Variants in GLIS3 observed in about 807,000 individuals in gnomAD.
GLIS3 encodes GLIS family zinc finger 3.
GLIS3 carries 53 observed loss-of-function variants against 78.6 expected under a neutral mutation model. That is an observed-to-expected ratio of 0.67 (90% CI 0.54 to 0.85). The LOEUF is 0.85. GLIS3 is among the 40% of genes least tolerant of loss of function. The pLI is 0.00. For missense variants in GLIS3, 1,703 were observed against 1,231.1 expected, an observed-to-expected ratio of 1.38 and a Z score of -5.74; for synonymous variants, 684 against 509.9, an observed-to-expected ratio of 1.34 and a Z score of -4.60.
chr9:4,386,346 T>C, the GLIS3 span: 1 of 151,772 alleles, frequency 6.6e-6, no homozygotes, highest in Non-Finnish European at 1.5e-5. Flanking sequence ...AATATTTTTA[T>C]TTTTGTTTTT....
intron 2 of GLIS3, among the ~76,000 whole-genome samples, chr9:4,200,682 G>GA (rs923884038): frequency 6.6e-5 from 10 of 151,612 alleles, no homozygotes; most frequent in Non-Finnish European, 1.5e-4. Context: ...AAAACAAACA[G>GA]AAAAAATCCT....
chr9:4,285,182 A>G (rs1217690597), intron 2 of GLIS3, among the ~76,000 whole-genome samples: 3 of 152,212 alleles, frequency 2.0e-5, no homozygotes, highest in African/African-American at 7.2e-5. Context: ...TAAGGAATAT[A>G]TAATTGTGCT....
chr9:4,164,798 G>A (rs1835754775), intron 2 of GLIS3, among the ~76,000 whole-genome samples: 1 of 152,214 alleles, frequency 6.6e-6, no homozygotes, highest in African/African-American at 2.4e-5. Flanking sequence ...GAGGAAGGCA[G>A]TAAAACTCAG....
At chr9:4,461,838 A>C in the GLIS3 span, among the ~76,000 whole-genome samples, 1 of 151,972 alleles carries the variant, frequency 6.6e-6, no homozygotes, top group African/African-American at 2.4e-5. Context: ...AGCATGAACA[A>C]GAGATAAAAG....
At chr9:3,861,428 G>A (rs758763393) in intron 8 of GLIS3, among the ~76,000 whole-genome samples, 1 of 151,280 alleles carries the variant, frequency 6.6e-6, no homozygotes, top group Non-Finnish European at 1.5e-5. Flanking sequence ...CATTACTTTG[G>A]GTATATAATT....
At chr9:4,322,714 GA>G (rs1025280892) in intron 2 of GLIS3, among the ~76,000 whole-genome samples, 2 of 152,140 alleles carry the variant, frequency 1.3e-5, no homozygotes, top group Non-Finnish European at 2.9e-5. Context: ...GTCTTCTTTT[GA>G]AAAGTGTCTG....
At position 3,977,626 on chromosome 9, in the gene GLIS3, TAGAC is replaced by T. The variant is rs1818902464; in HGVS notation, c.1711-40441_1711-40438del. On this transcript the variant is annotated intron_variant, in intron 4 of 10. Transcript: ENST00000381971. This position sits in a 1 kb window ranked among gnomAD's most constrained non-coding sequence, Gnocchi z 4.1. ...ACAAATCTGTCACTCCGATTTTAAT[TAGAC>T]GGCTTAAAGCAGCCACATCAATAAT... 6.6e-6 allele frequency among the ~76,000 whole-genome samples: 1 copy of T among 152,204 alleles called. No homozygotes were observed. Among genetic ancestry groups the T allele is most frequent in the Non-Finnish European group, 1.5e-5 (1 of 68,032 alleles).
chr9:4,068,578 C>G (rs1468774036), intron 4 of GLIS3, among the ~76,000 whole-genome samples: 1 of 151,976 alleles, frequency 6.6e-6, no homozygotes. Context: ...CCTGTATAAT[C>G]AGAAACCAAA....
chr9:4,365,093 C>T, the GLIS3 span, among the ~76,000 whole-genome samples: 13 of 152,224 alleles, frequency 8.5e-5, no homozygotes, highest in Non-Finnish European at 1.2e-4. Context: ...TCAGAGGATC[C>T]TGTTCCTGGT....
At chr9:4,125,706 A>G in intron 3 of GLIS3, 28 bp downstream of exon 3, 3 of 1,558,378 alleles carry the variant, frequency 1.9e-6, no homozygotes, top group Non-Finnish European at 2.7e-6. Context: ...TACCATAAAG[A>G]AAGGGGAAAA....
chr9:4,397,640 AAAGGAAGGAAGAAAAGG>A, the GLIS3 span, among the ~76,000 whole-genome samples: 11 of 145,262 alleles, frequency 7.6e-5, no homozygotes, highest in African/African-American at 3.0e-4. Context: ...GGAAGGAAGA[AAAGGAAGGAAGAAAAGG>A]AAGGAAGGAA....
At chr9:4,369,776 A>G in the GLIS3 span, among the ~76,000 whole-genome samples, 1 of 152,244 alleles carries the variant, frequency 6.6e-6, no homozygotes, top group African/African-American at 2.4e-5. Context: ...ACCATGAACT[A>G]GATCTAAAAA....
chr9:4,314,438 T>C (rs1377626856), intron 2 of GLIS3, among the ~76,000 whole-genome samples: 3 of 152,240 alleles, frequency 2.0e-5, no homozygotes, highest in Non-Finnish European at 4.4e-5. Context: ...CACAATATGT[T>C]TGCATGTGCA....
intron 4 of GLIS3, among the ~76,000 whole-genome samples, chr9:3,999,723 C>T (rs1370810981): frequency 6.6e-6 from 1 of 152,016 alleles, no homozygotes; most frequent in East Asian, 1.9e-4. Flanking sequence ...TAAATTCTAA[C>T]CAAAATCTTA....
rs139426736 is a variant in GLIS3 at position 4,287,513 on chromosome 9, T to C, written c.-98-990A>G. On this transcript the variant is annotated intron_variant, in intron 1 of 10. Coordinates refer to ENST00000381971, the MANE Select transcript of GLIS3 (RefSeq NM_001042413.2). ...ATGAGGTGGTAAAGTGCCATGGTTG[T>C]GCCACTATGCCAAATGTATTATAGA... is the stretch of plus-strand genomic sequence containing the variant. Among the ~76,000 whole-genome samples the C allele has an allele frequency of 3.7e-3, 559 of 152,344 alleles. 2 individuals carry two copies. The highest frequency in any genetic ancestry group is 5.9e-3 in the Non-Finnish European group (404 of 68,024).
At chr9:4,327,314 G>T (rs1030474794) in intron 2 of GLIS3, among the ~76,000 whole-genome samples, 2 of 152,174 alleles carry the variant, frequency 1.3e-5, no homozygotes, top group African/African-American at 4.8e-5. Context: ...GTTGTATTCA[G>T]AGCAAAGAGG....
chr9:4,353,993 A>ATTTTT, the GLIS3 span, among the ~76,000 whole-genome samples: 21 of 135,752 alleles, frequency 1.5e-4, no homozygotes, highest in Middle Eastern at 3.9e-3. Context: ...ACACCCGGCT[A>ATTTTT]TTTTTTTTTT....
At chr9:4,328,446 C>G (rs914411323) in intron 2 of GLIS3, among the ~76,000 whole-genome samples, 1 of 152,204 alleles carries the variant, frequency 6.6e-6, no homozygotes, top group Admixed American at 6.5e-5. Flanking sequence ...GCTCAACACC[C>G]CATTCTGCTC....
At chr9:4,404,886 G>T in the GLIS3 span, among the ~76,000 whole-genome samples, 1 of 152,018 alleles carries the variant, frequency 6.6e-6, no homozygotes, top group Non-Finnish European at 1.5e-5. Context: ...AGAAATAAAT[G>T]AAACTAAAAT....
Sources: gnomAD v4.1 joint callset for allele counts (sites outside exome capture counted in the v4.1 genomes callset) on GRCh38, gnomAD v4.1.1 for gene constraint, Gnocchi (gnomAD v3.1) non-coding constraint, MANE v1.5 for transcripts, NCBI Gene and HGNC (gene_info 2026-07-23, HGNC 2026-07-21) for gene names.